Variants in NEDD9 observed in about 807,000 individuals in gnomAD.
NEDD9 encodes the protein enhancer of filamentation 1.
A neutral mutation model predicts 76.6 loss-of-function variants in NEDD9; 26 were observed. The observed-to-expected ratio is 0.34, with a 90% CI of 0.25 to 0.47. The LOEUF is 0.47. NEDD9 is among the 20% of genes least tolerant of loss of function. NEDD9 has a pLI of 1.00. For missense variants in NEDD9, 937 were observed against 1,058.5 expected, an observed-to-expected ratio of 0.89 and a Z score of 1.59; for synonymous variants, 392 against 414.2, an observed-to-expected ratio of 0.95 and a Z score of 0.65.
chr6:11,199,637 C>CTTTTTTTTTTTTTTTT (rs59651160), intron 2 of NEDD9: 3 of 43,110 alleles, frequency 7.0e-5, no homozygotes, highest in Non-Finnish European at 1.3e-4. Flanking sequence ...TAGGAAAGAT[C>CTTTTTTTTTTTTTTTT]TTTTTTTTTT....
chr6:11,354,631 C>G (rs1224123174), intron 1 of NEDD9, among the ~76,000 whole-genome samples: 5 of 152,178 alleles, frequency 3.3e-5, no homozygotes, highest in African/African-American at 1.2e-4. Flanking sequence ...TTCACCTACC[C>G]AGCATCTGTT....
At chr6:11,214,722 C>G (rs1758896233) in intron 1 of NEDD9, among the ~76,000 whole-genome samples, 1 of 152,208 alleles carries the variant, frequency 6.6e-6, no homozygotes, top group South Asian at 2.1e-4. Context: ...GCAGCCATTC[C>G]CGCATGTCTG....
chr6:11,296,675 C>CT (rs1448013332), intron 3 of NEDD9, among the ~76,000 whole-genome samples: 3 of 82,438 alleles, frequency 3.6e-5, no homozygotes, highest in Non-Finnish European at 6.8e-5. Context: ...CTTTCCTTTC[C>CT]TTTCCCTTCC....
chr6:11,306,298 T>C, intron 2 of NEDD9: 1 of 488,454 alleles, frequency 2.0e-6, no homozygotes, highest in Non-Finnish European at 3.7e-6. Flanking sequence ...CATTCATTCA[T>C]GCAATCAAAG....
intron 5 of NEDD9, among the ~76,000 whole-genome samples, chr6:11,189,385 G>A (rs6456970): frequency 0.83 from 125,841 of 152,188 alleles, 52,239 homozygotes; most frequent in South Asian, 0.94. Flanking sequence ...TCCTAGGACA[G>A]CTAGCTAATG....
At chr6:11,221,804 A>C (rs1759153069) in intron 1 of NEDD9, among the ~76,000 whole-genome samples, 1 of 152,188 alleles carries the variant, frequency 6.6e-6, no homozygotes, top group African/African-American at 2.4e-5. Context: ...TTCTGTCTGT[A>C]GATAAATCTG....
intron 3 of NEDD9, among the ~76,000 whole-genome samples, chr6:11,267,717 G>A (rs1008713863): frequency 7.9e-5 from 12 of 152,102 alleles, no homozygotes; most frequent in African/African-American, 2.7e-4. Context: ...GTGGAGATAC[G>A]GGTCTTGTCT....
intron 3 of NEDD9, among the ~76,000 whole-genome samples, chr6:11,276,095 A>G (rs1760411645): frequency 6.6e-6 from 1 of 152,236 alleles, no homozygotes; most frequent in Non-Finnish European, 1.5e-5. Context: ...ATTTCAAACA[A>G]TACGCTAGAT....
At chr6:11,360,615 A>G (rs113023612) in intron 1 of NEDD9, among the ~76,000 whole-genome samples, 1 of 152,076 alleles carries the variant, frequency 6.6e-6, no homozygotes, top group Non-Finnish European at 1.5e-5. Context: ...TGCTCCAGTC[A>G]TGGAAGATGA....
intron 3 of NEDD9, among the ~76,000 whole-genome samples, chr6:11,293,354 T>C (rs1429976610): frequency 1.3e-5 from 2 of 152,138 alleles, no homozygotes; most frequent in Non-Finnish European, 2.9e-5. Flanking sequence ...ACAGTGCACT[T>C]TTCCACTAAC....
intron 5 of NEDD9, among the ~76,000 whole-genome samples, chr6:11,189,110 C>G (rs1214575239): frequency 6.6e-6 from 1 of 152,128 alleles, no homozygotes; most frequent in Non-Finnish European, 1.5e-5. Context: ...CCATGCCTGG[C>G]TAATTTTCGT....
At chr6:11,296,889 C>T (rs767501295) in intron 3 of NEDD9, among the ~76,000 whole-genome samples, 3 of 152,032 alleles carry the variant, frequency 2.0e-5, no homozygotes, top group East Asian at 1.9e-4. Flanking sequence ...TCACCATGCC[C>T]GGCTAATTTT....
At chr6:11,269,446 C>A (rs1281138335) in intron 3 of NEDD9, among the ~76,000 whole-genome samples, 1 of 152,162 alleles carries the variant, frequency 6.6e-6, no homozygotes, top group African/African-American at 2.4e-5. Context: ...TTGAGATTGG[C>A]AGAGGGGATA....
At chr6:11,238,200 G>C (rs868801288) in intron 3 of NEDD9, among the ~76,000 whole-genome samples, 7 of 152,154 alleles carry the variant, frequency 4.6e-5, no homozygotes, top group Non-Finnish European at 8.8e-5. Context: ...TAACAGCCCT[G>C]TGAGGTAGCT....
At chr6:11,355,625 C>T (rs2113542055) in intron 1 of NEDD9, among the ~76,000 whole-genome samples, 1 of 152,170 alleles carries the variant, frequency 6.6e-6, no homozygotes. Flanking sequence ...GCCTTGGTTT[C>T]TTCATCAATG....
chr6:11,311,680 G>C (rs1225978840), intron 2 of NEDD9, among the ~76,000 whole-genome samples: 2 of 152,188 alleles, frequency 1.3e-5, no homozygotes, highest in African/African-American at 4.8e-5. Flanking sequence ...ACAGTGCCTG[G>C]CTGTATTAGT....
At chr6:11,307,139 G>T (rs906478532) in intron 2 of NEDD9, among the ~76,000 whole-genome samples, 1 of 152,168 alleles carries the variant, frequency 6.6e-6, no homozygotes, top group African/African-American at 2.4e-5. Flanking sequence ...AAAATAAGAA[G>T]AGTGTCTGGC....
At chr6:11,254,859 T>C (rs1257739351) in intron 3 of NEDD9, among the ~76,000 whole-genome samples, 2 of 152,242 alleles carry the variant, frequency 1.3e-5, no homozygotes, top group Non-Finnish European at 2.9e-5. Context: ...TGTTTTGGTG[T>C]GATCTTAAAG....
chr6:11,296,886 G>T (rs1760908379), intron 3 of NEDD9, among the ~76,000 whole-genome samples: 1 of 152,010 alleles, frequency 6.6e-6, no homozygotes, highest in South Asian at 2.1e-4. Context: ...ACATCACCAT[G>T]CCCGGCTAAT....
Sources: allele counts gnomAD v4.1 joint callset (sites outside exome capture counted in the v4.1 genomes callset), GRCh38; gene constraint gnomAD v4.1.1; transcripts MANE v1.5; gene names NCBI Gene and HGNC (gene_info 2026-07-23, HGNC 2026-07-21).